The following ZMAT4 variants were observed in gnomAD, a reference collection of about 807,000 sequenced individuals.
ZMAT4 encodes zinc finger matrin-type protein 4.
A neutral mutation model predicts 28.7 loss-of-function variants in ZMAT4; 17 were observed. The observed-to-expected ratio is 0.59, with a 90% confidence interval of 0.41 to 0.89. The LOEUF is 0.89. Ranked by LOEUF, ZMAT4 falls within the 40% of genes least tolerant of loss-of-function variation. The pLI, the probability that ZMAT4 is intolerant of heterozygous loss-of-function variation, is 0.00. For synonymous variants in ZMAT4, 117 were observed against 109.2 expected (o/e 1.07, Z -0.44); for missense variants, 240 against 283.8 (o/e 0.85, Z 1.11).
chr8:40,624,656 T>C (rs951732660), intron 5 of ZMAT4, among the ~76,000 whole-genome samples: 1 of 152,222 alleles, frequency 6.6e-6, no homozygotes, highest in Non-Finnish European at 1.5e-5. Context: ...TGTTTCTAAA[T>C]TCTTCCCAGA....
chr8:40,576,796 A>G (rs1331589094), intron 6 of ZMAT4, among the ~76,000 whole-genome samples: 2 of 152,206 alleles, frequency 1.3e-5, no homozygotes, highest in East Asian at 3.8e-4. Flanking sequence ...AAACCACCAA[A>G]CTGCAAAGAT....
rs536027314 is a variant in ZMAT4 at position 40,719,851 on chromosome 8, C to T, written c.193-22450G>A. Among the ~76,000 whole-genome samples, 17 of 152,230 alleles carry T rather than the reference C, an allele frequency of 1.1e-4. No individual in the cohort carries two copies. The South Asian group carries it at 1.7e-3, about 15-fold the overall frequency. On this transcript the variant is annotated intron_variant, in intron 3 of 6. Transcript: ENST00000297737. ...CCTCCCAAAGTGCTGGGATTACAGGCATGAGCCACCATGCCCAGCCCATTC... is the reference window on the plus strand; with the variant it reads ...CCTCCCAAAGTGCTGGGATTACAGGTATGAGCCACCATGCCCAGCCCATTC...
At chr8:40,824,022 A>G (rs1353496522) in intron 2 of ZMAT4, among the ~76,000 whole-genome samples, 1 of 152,188 alleles carries the variant, frequency 6.6e-6, no homozygotes, top group South Asian at 2.1e-4. Flanking sequence ...TCATTTGGTC[A>G]CCACAAAATC....
At position 40,770,683 on chromosome 8, in the gene ZMAT4, G is replaced by T. The variant is rs375215174; in HGVS notation, c.103-2953C>A. Among the ~76,000 whole-genome samples the T allele has an allele frequency of 3.3e-5, 5 of 152,006 alleles. No homozygotes were observed. In the East Asian group the frequency reaches 5.8e-4, roughly 18 times the overall value. On this transcript the variant is annotated intron_variant, in intron 2 of 6. Transcript: ENST00000297737. ...CTGCCTCAGCCTCCCCAGTAGCTGG[G>T]ATTATAGGAGCGTGCCACCACGCCT...
chr8:40,669,162 G>A (rs1199745932), intron 5 of ZMAT4, among the ~76,000 whole-genome samples: 1 of 152,098 alleles, frequency 6.6e-6, no homozygotes. Flanking sequence ...CAACTTGATG[G>A]AAGTGAGTGC....
At chr8:40,733,017 T>A (rs1585960477) in intron 3 of ZMAT4, among the ~76,000 whole-genome samples, 1 of 151,932 alleles carries the variant, frequency 6.6e-6, no homozygotes, top group Non-Finnish European at 1.5e-5. Context: ...AGCTAATTTT[T>A]AATTTTCATT....
chr8:40,585,453 G>A (rs1804637317), intron 5 of ZMAT4, among the ~76,000 whole-genome samples: 1 of 152,048 alleles, frequency 6.6e-6, no homozygotes, highest in Non-Finnish European at 1.5e-5. Flanking sequence ...TTGGTTTGGG[G>A]CTTGGAAATG....
intron 6 of ZMAT4, among the ~76,000 whole-genome samples, chr8:40,570,852 G>A (rs982961366): frequency 1.3e-5 from 2 of 152,136 alleles, no homozygotes; most frequent in African/African-American, 2.4e-5. Flanking sequence ...AGGTCTATAA[G>A]GCTCCACCAC....
intron 6 of ZMAT4, among the ~76,000 whole-genome samples, chr8:40,569,481 C>T (rs1006584211): frequency 6.6e-6 from 1 of 152,206 alleles, no homozygotes; most frequent in African/African-American, 2.4e-5. Flanking sequence ...ACTACACTAA[C>T]TTACAGAAGA....
At chr8:40,643,475 A>G (rs1029688963) in intron 5 of ZMAT4, among the ~76,000 whole-genome samples, 4 of 152,336 alleles carry the variant, frequency 2.6e-5, no homozygotes, top group Non-Finnish European at 5.9e-5. Context: ...TTATTGAGTC[A>G]CTAAATAAAT....
At chr8:40,571,136 G>A (rs1474778714) in intron 6 of ZMAT4, among the ~76,000 whole-genome samples, 1 of 152,100 alleles carries the variant, frequency 6.6e-6, no homozygotes, top group Non-Finnish European at 1.5e-5. Context: ...GGAAATGAAT[G>A]AGCTAAACAA....
intron 2 of ZMAT4, among the ~76,000 whole-genome samples, chr8:40,778,389 C>T (rs1813692748): frequency 6.6e-6 from 1 of 152,186 alleles, no homozygotes; most frequent in Non-Finnish European, 1.5e-5. Context: ...CTATCTGTTG[C>T]TCCCATCTCT....
chr8:40,758,019 T>C (rs1812766761), intron 3 of ZMAT4, among the ~76,000 whole-genome samples: 1 of 152,182 alleles, frequency 6.6e-6, no homozygotes, highest in Admixed American at 6.5e-5. Flanking sequence ...GCTTTGGGAC[T>C]CCTGGACCTT....
At chr8:40,886,405 T>C (rs1000696077) in intron 1 of ZMAT4, among the ~76,000 whole-genome samples, 2 of 152,076 alleles carry the variant, frequency 1.3e-5, no homozygotes, top group African/African-American at 4.8e-5. Context: ...CAGCTTGGAG[T>C]CCTGGCTGCA....
At chr8:40,840,343 C>T (rs1816658158) in intron 1 of ZMAT4, among the ~76,000 whole-genome samples, 1 of 152,210 alleles carries the variant, frequency 6.6e-6, no homozygotes, top group Non-Finnish European at 1.5e-5. Flanking sequence ...CACGACTCCC[C>T]ATGCAGTTGG....
Position 40,530,806 on chromosome 8 carries a change from C to A in ZMAT4, c.*1417G>T, listed in dbSNP as rs1392314254. On this transcript the variant is annotated 3_prime_UTR_variant, in exon 7 of 7. Transcript: ENST00000297737. ...GTGGGGCTTCGTCTCTCTGCAGGCACAGAAACTGGCAGACCTGGTCCCTCC... is the reference window on the plus strand; with the variant it reads ...GTGGGGCTTCGTCTCTCTGCAGGCAAAGAAACTGGCAGACCTGGTCCCTCC... The A allele has an allele frequency of 1.3e-5, 2 of 152,578 alleles. No homozygotes were observed. Among genetic ancestry groups the A allele is most frequent in the African/African-American group, 4.8e-5 (2 of 41,416 alleles). 9.5% of individuals were successfully genotyped at this position (152,578 alleles called of 1,614,324 possible).
At chr8:40,684,151 G>A (rs554626149) in intron 4 of ZMAT4, among the ~76,000 whole-genome samples, 10 of 152,106 alleles carry the variant, frequency 6.6e-5, no homozygotes, top group Middle Eastern at 6.8e-3. Context: ...ATAAACTTAC[G>A]TATTAGGCAT....
chr8:40,649,484 T>C (rs551387136), intron 5 of ZMAT4, among the ~76,000 whole-genome samples: 8 of 152,252 alleles, frequency 5.3e-5, no homozygotes, highest in Admixed American at 5.2e-4. Flanking sequence ...TGGGAGACTT[T>C]AACACCCCAC....
At chr8:40,771,398 T>TA (rs1813386010) in intron 2 of ZMAT4, among the ~76,000 whole-genome samples, 1 of 151,902 alleles carries the variant, frequency 6.6e-6, no homozygotes, top group Non-Finnish European at 1.5e-5. Flanking sequence ...TTATTTTTTA[T>TA]TTTTATAACA....
Sources: gnomAD v4.1 joint callset for allele counts (sites outside exome capture counted in the v4.1 genomes callset) on GRCh38, gnomAD v4.1.1 for gene constraint, MANE v1.5 for transcripts, NCBI Gene and HGNC (gene_info 2026-07-23, HGNC 2026-07-21) for gene names.